Variants in ANAPC5 observed in about 807,000 individuals in gnomAD.
ANAPC5 encodes the protein anaphase promoting complex subunit 5.
A neutral mutation model predicts 91.3 loss-of-function variants in ANAPC5; 60 were observed. The observed-to-expected ratio is 0.66, with a 90% CI of 0.53 to 0.81. ANAPC5 has a LOEUF of 0.81. ANAPC5 is among the 40% of genes least tolerant of loss of function. ANAPC5 has a pLI of 0.00. For missense variants in ANAPC5, 690 were observed against 931.5 expected, an observed-to-expected ratio of 0.74 and a Z score of 3.37; for synonymous variants, 340 against 364.1, an observed-to-expected ratio of 0.93 and a Z score of 0.75.
intron 13 of ANAPC5, among the ~76,000 whole-genome samples, chr12:121,319,142 C>A (rs539268313): frequency 6.6e-6 from 1 of 151,820 alleles, no homozygotes; most frequent in Non-Finnish European, 1.5e-5. Flanking sequence ...CACACACACA[C>A]GCATGCAGGA....
intron 15 of ANAPC5, among the ~76,000 whole-genome samples, chr12:121,311,938 G>A (rs1393839219): frequency 6.6e-6 from 1 of 152,180 alleles, no homozygotes; most frequent in Non-Finnish European, 1.5e-5. Context: ...CAAGGAAAGA[G>A]AAGACTTGAA....
chr12:121,340,138 A>C (rs182780278), intron 5 of ANAPC5, among the ~76,000 whole-genome samples: 14 of 151,812 alleles, frequency 9.2e-5, no homozygotes, highest in Non-Finnish European at 1.5e-4. Flanking sequence ...CCAACATGGC[A>C]AAATCCCGTC....
In ANAPC5 at chr12:121,320,407, G is replaced by T. The variant is rs139334549; in HGVS notation, c.1493C>A (p.Pro498Gln). The change falls in exon 12 of 17, where the codon CCG becomes CAG. Residue 498 changes from proline (P) to glutamine (Q), a missense_variant. By Grantham distance (76) the Pro-to-Gln change is moderately conservative. This residue lies in a region of ANAPC5 where 317 missense variants were observed against 438.7 expected (regional missense o/e 0.72). Coordinates refer to ENST00000261819, the MANE Select transcript of ANAPC5 (RefSeq NM_016237.5). ...TACCTGGGCGTGCTGACTATTAGGCGGAAATCGTTCCTTCAAGTGCTTTAA... is the reference window on the plus strand; with the variant it reads ...TACCTGGGCGTGCTGACTATTAGGCTGAAATCGTTCCTTCAAGTGCTTTAA... ...EVLKHLKERF[P>Q]PNSQHAQLWM... The T allele has an allele frequency of 6.2e-7, 1 of 1,613,498 alleles. No individual in the cohort carries two copies. The highest frequency in any genetic ancestry group is 8.5e-7 in the Non-Finnish European group (1 of 1,179,638).
intron 8 of ANAPC5, 59 bp downstream of exon 8, chr12:121,331,288 C>A: frequency 7.0e-7 from 1 of 1,435,240 alleles, no homozygotes; most frequent in Non-Finnish European, 9.7e-7. Context: ...TTCAACGGGG[C>A]CTTGTGAAGG....
rs1449512301 is a variant in ANAPC5, at chr12:121,309,707, C to T, written c.2050G>A (p.Ala684Thr). 1 of 1,613,566 alleles carries T rather than the reference C, an allele frequency of 6.2e-7. No homozygotes were observed. Among genetic ancestry groups the T allele is most frequent in the Admixed American group, 1.7e-5 (1 of 59,920 alleles). ...SAASYDQPKK[A>T]EALEAAIENL... ...TCTTCGTACAGCTTCCTACCTTCTG[C>T]TTTCTTCGGCTGATCGTAGGAAGCT... Residue 684 changes from alanine (A) to threonine (T), a missense_variant, in exon 16 of 17, where the codon GCA (alanine) becomes ACA (threonine). By Grantham distance (58) the Ala-to-Thr change is moderately conservative (BLOSUM62 0). This residue lies in a region of ANAPC5 where 317 missense variants were observed against 438.7 expected (regional missense o/e 0.72). Coordinates refer to ENST00000261819, the MANE Select transcript of ANAPC5 (RefSeq NM_016237.5).
rs563832424 is a variant in ANAPC5 at position 121,342,410 on chromosome 12, ACAAGGACTCAAAGACCTCAATGTGAGGC to A, written c.591-369_591-342del. 3.8e-4 allele frequency among the ~76,000 whole-genome samples: 58 copies of A among 152,314 alleles called. No homozygotes were observed. The highest frequency in any genetic ancestry group is 6.5e-4 in the African/African-American group (27 of 41,570). On this transcript the variant is annotated intron_variant, in intron 4 of 16. Transcript: ENST00000261819. The surrounding 1 kb of genome is among the most constrained non-coding windows in gnomAD (Gnocchi z 4.1). ...TAACACCATATTCAAAAATTAACTC[ACAAGGACTCAAAGACCTCAATGTGAGGC>A]CAAGGACTCAAAGACCTCAATGTGA...
At chr12:121,331,324 C>G in intron 8 of ANAPC5, 23 bp downstream of exon 8, 1 of 1,573,580 alleles carries the variant, frequency 6.4e-7, no homozygotes, top group Non-Finnish European at 8.7e-7. Flanking sequence ...AACAAAACTC[C>G]CAAGACCAGA....
intron 9 of ANAPC5, chr12:121,329,299 G>C (rs1274735035): frequency 6.6e-6 from 1 of 151,396 alleles, no homozygotes; most frequent in Admixed American, 6.6e-5. Flanking sequence ...GACTACAGGC[G>C]CCCACCACCA....
intron 11 of ANAPC5, chr12:121,320,666 G>T (rs537042716): frequency 8.3e-6 from 3 of 360,796 alleles, no homozygotes; most frequent in African/African-American, 4.2e-5. Context: ...GCAGTGGCGC[G>T]ATCTCGGCTC....
At chr12:121,352,656 G>C (rs1903950748), upstream of ANAPC5, among the ~76,000 whole-genome samples, 1 of 115,892 alleles carries the variant, frequency 8.6e-6, no homozygotes, top group African/African-American at 2.7e-5. Flanking sequence ...TCGATGCTTG[G>C]GGTCGGGGCT....
chr12:121,324,387 G>GTACCTTC (rs1902730341), intron 11 of ANAPC5, among the ~76,000 whole-genome samples: 1 of 152,086 alleles, frequency 6.6e-6, no homozygotes, highest in Non-Finnish European at 1.5e-5. Context: ...CCTTCTAGTT[G>GTACCTTC]TGTACTAAAA....
chr12:121,318,125 C>T, intron 15 of ANAPC5, 152 bp downstream of exon 15: 1 of 928,164 alleles, frequency 1.1e-6, no homozygotes, highest in Non-Finnish European at 1.5e-6. Context: ...CTCCACAGGC[C>T]TCCTTGGAGG....
chr12:121,324,720 G>T (rs1902744659), intron 11 of ANAPC5, among the ~76,000 whole-genome samples: 1 of 152,004 alleles, frequency 6.6e-6, no homozygotes, highest in Non-Finnish European at 1.5e-5. Flanking sequence ...AACATAGAAA[G>T]ATTCCATCTC....
chr12:121,326,681 G>A (rs1555272284), intron 11 of ANAPC5: 2 of 153,846 alleles, frequency 1.3e-5, no homozygotes, highest in African/African-American at 4.8e-5. Context: ...AGCCCATGAA[G>A]TGGATTCTAT....
rs1392887780 is a variant in ANAPC5 at position 121,347,865 on chromosome 12, A to G, written c.224T>C (p.Leu75Pro). ...LPLLQGPDIT[L>P]SKLYKLIEES... ...TTCAATTAACTTGTAAAGTTTTGAC[A>G]GTGTAATATCTGGGCCCTGTGTAAA... Residue 75 changes from leucine to proline, a missense_variant, in exon 2 of 17, where the codon CTG becomes CCG. This residue lies in a region of ANAPC5 where 238 missense variants were observed against 264.9 expected (regional missense o/e 0.90). Coordinates refer to ENST00000261819, the MANE Select transcript of ANAPC5 (RefSeq NM_016237.5). The G allele has an allele frequency of 6.2e-7, 1 of 1,613,248 alleles. No homozygotes were observed.
chr12:121,319,670 G>T (rs2136766649), intron 13 of ANAPC5, 27 bp downstream of exon 13: 1 of 1,587,878 alleles, frequency 6.3e-7, no homozygotes. Context: ...ATTTTATTCT[G>T]GGGTTAGAGT....
At chr12:121,314,847 T>A (rs1190095314) in intron 15 of ANAPC5, among the ~76,000 whole-genome samples, 1 of 152,134 alleles carries the variant, frequency 6.6e-6, no homozygotes, top group Non-Finnish European at 1.5e-5. Flanking sequence ...TCCAGGCTGG[T>A]CTCGAACTCC....
At chr12:121,327,638 T>A (rs1902872832) in intron 10 of ANAPC5, 1 of 173,598 alleles carries the variant, frequency 5.8e-6, no homozygotes, top group South Asian at 1.4e-4. Flanking sequence ...GCCAAAAAAT[T>A]ATCTGAAATA....
intron 10 of ANAPC5, chr12:121,328,096 C>T (rs776463402): frequency 2.8e-4 from 136 of 481,262 alleles, no homozygotes; most frequent in Non-Finnish European, 2.9e-4. Context: ...CCCATTACCT[C>T]ACAAAGTGGT....
Sources: allele counts gnomAD v4.1 joint callset (sites outside exome capture counted in the v4.1 genomes callset), GRCh38; gene constraint gnomAD v4.1.1; regional missense constraint gnomAD v4.1.1; non-coding constraint Gnocchi (gnomAD v3.1); transcripts MANE v1.5; gene names NCBI Gene and HGNC (gene_info 2026-07-23, HGNC 2026-07-21).